Variants in GRIK1 observed in about 807,000 individuals in gnomAD.
GRIK1 encodes glutamate receptor ionotropic, kainate 1.
Under a neutral mutation model 105.7 loss-of-function variants are expected in GRIK1, and 69 were observed. The observed-to-expected ratio is 0.65, with a 90% CI of 0.54 to 0.80. The LOEUF is 0.80. GRIK1 is among the 30% of genes least tolerant of loss of function. The pLI is 0.00. For synonymous variants in GRIK1, 438 were observed against 431.3 expected, an observed-to-expected ratio of 1.02 and a Z score of -0.19; for missense variants, 1,109 against 1,167.3, an observed-to-expected ratio of 0.95 and a Z score of 0.73.
intron 1 of GRIK1, among the ~76,000 whole-genome samples, chr21:29,698,727 G>A (rs1056582985): frequency 3.3e-5 from 5 of 152,078 alleles, no homozygotes; most frequent in African/African-American, 9.7e-5. Context: ...CTTGATCAAC[G>A]GTCAAGGTGC....
chr21:29,827,632 G>A (rs1482151087), intron 1 of GRIK1, among the ~76,000 whole-genome samples: 1 of 151,930 alleles, frequency 6.6e-6, no homozygotes, highest in Non-Finnish European at 1.5e-5. Flanking sequence ...GACTTTAATG[G>A]ATCTACCAAA....
chr21:29,654,804 A>G lies in GRIK1; in HGVS notation c.780+6T>C, dbSNP rs767758531. On this transcript the variant is annotated splice_donor_region_variant and intron_variant, in intron 5 of 17. Transcript: ENST00000327783. ...TGTGGAATACATTTCTCCCAGATGC[A>G]CTTACCAGGGTTGTGAAAAAGTAGT... The G allele has an allele frequency of 6.6e-7, 1 of 1,516,254 alleles. No individual in the cohort carries two copies. The highest frequency in any genetic ancestry group is 9.2e-7 in the Non-Finnish European group (1 of 1,090,560). 93.9% of individuals were successfully genotyped at this position (1,516,254 alleles called of 1,614,324 possible).
intron 6 of GRIK1, among the ~76,000 whole-genome samples, chr21:29,644,543 G>A (rs1049530571): frequency 3.3e-5 from 5 of 152,256 alleles, no homozygotes; most frequent in Non-Finnish European, 7.4e-5. Context: ...ACATACTGAC[G>A]TTGGATTGGT....
At chr21:29,646,044 C>T (rs951853364) in intron 6 of GRIK1, among the ~76,000 whole-genome samples, 13 of 152,198 alleles carry the variant, frequency 8.5e-5, no homozygotes, top group African/African-American at 3.1e-4. Context: ...TAACTTTTAA[C>T]TCCTTGGAAT....
At chr21:29,840,321 C>G (rs2067941283) in intron 1 of GRIK1, among the ~76,000 whole-genome samples, 1 of 152,174 alleles carries the variant, frequency 6.6e-6, no homozygotes. Flanking sequence ...AATATTAAAA[C>G]TTTTGTCTTG....
chr21:29,879,580 G>A (rs1006668751), intron 1 of GRIK1, among the ~76,000 whole-genome samples: 2 of 151,894 alleles, frequency 1.3e-5, no homozygotes, highest in Non-Finnish European at 2.9e-5. Flanking sequence ...TTGGCTCCAG[G>A]GTTTTACTTA....
chr21:29,751,115 A>G (rs1363944254), intron 1 of GRIK1, among the ~76,000 whole-genome samples: 5 of 152,206 alleles, frequency 3.3e-5, no homozygotes, highest in African/African-American at 1.2e-4. Flanking sequence ...CAGCTAAGGC[A>G]TGGACCAGCC....
intron 3 of GRIK1, among the ~76,000 whole-genome samples, chr21:29,689,493 TA>T (rs1009101888): frequency 5.3e-5 from 8 of 152,070 alleles, no homozygotes; most frequent in Admixed American, 2.6e-4. Flanking sequence ...ATATTTCTTT[TA>T]AAAAAAAGTT....
chr21:29,851,578 A>AGTCCTGGT (rs1217832792), intron 1 of GRIK1, among the ~76,000 whole-genome samples: 4 of 152,188 alleles, frequency 2.6e-5, no homozygotes, highest in African/African-American at 9.7e-5. Flanking sequence ...GAATGACTTT[A>AGTCCTGGT]GCTTGAGTCC....
At chr21:29,715,075 C>T (rs2064146285) in intron 1 of GRIK1, among the ~76,000 whole-genome samples, 1 of 152,216 alleles carries the variant, frequency 6.6e-6, no homozygotes, top group Admixed American at 6.5e-5. Flanking sequence ...AACTGAAGAT[C>T]ACTAACCAAC....
intron 1 of GRIK1, among the ~76,000 whole-genome samples, chr21:29,859,948 A>G (rs1037287627): frequency 1.3e-5 from 2 of 152,212 alleles, no homozygotes; most frequent in African/African-American, 4.8e-5. Context: ...AACCATCTAT[A>G]GTACTCAGGA....
intron 2 of GRIK1, 74 bp from the exon 3 acceptor site, chr21:29,690,059 A>C: frequency 8.2e-7 from 1 of 1,224,224 alleles, no homozygotes; most frequent in South Asian, 1.4e-5. Flanking sequence ...AGTTCTATGA[A>C]TTTAATTTTT....
At chr21:29,580,112 CATATAT>C (rs199860747) in intron 13 of GRIK1, among the ~76,000 whole-genome samples, 3 of 138,476 alleles carry the variant, frequency 2.2e-5, no homozygotes, top group African/African-American at 8.4e-5. Context: ...TGTATATATA[CATATAT>C]ACACATATAC....
At chr21:29,601,321 C>G in intron 7 of GRIK1, 1 of 428,674 alleles carries the variant, frequency 2.3e-6, no homozygotes, top group Admixed American at 2.2e-5. Context: ...ACTAGACTTA[C>G]ACCAGCCAGC....
intron 4 of GRIK1, among the ~76,000 whole-genome samples, chr21:29,664,741 T>G (rs1208593112): frequency 1.3e-5 from 2 of 152,192 alleles, no homozygotes; most frequent in African/African-American, 4.8e-5. Context: ...AGGATCCTTT[T>G]GATAAGATCT....
intron 9 of GRIK1, 53 bp downstream of exon 9, chr21:29,596,473 G>T: frequency 1.6e-6 from 2 of 1,214,606 alleles, no homozygotes; most frequent in South Asian, 1.2e-5. Context: ...CCTTTCCAAT[G>T]ACATTCCCCA....
chr21:29,560,282 TCTTTCTTTCTTTCTTTCTTTC>T (rs1447251306), intron 15 of GRIK1, among the ~76,000 whole-genome samples: 127 of 41,892 alleles, frequency 3.0e-3, no homozygotes, highest in African/African-American at 0.011. Context: ...GATACAGTTT[TCTTTCTTTCTTTCTTTCTTTC>T]TTTCTTTCTT....
chr21:29,878,603 G>A (rs2069280194), intron 1 of GRIK1, among the ~76,000 whole-genome samples: 1 of 152,142 alleles, frequency 6.6e-6, no homozygotes, highest in African/African-American at 2.4e-5. Context: ...AATCACTAAT[G>A]TAATATTATT....
Position 29,634,883 on chromosome 21 carries a change from C to T in GRIK1, c.1098+7943G>A, listed in dbSNP as rs75191893. Among the ~76,000 whole-genome samples the T allele has an allele frequency of 3.5e-3, 526 of 152,236 alleles. 1 individual carries two copies. Among genetic ancestry groups the T allele is most frequent in the Non-Finnish European group, 6.0e-3 (406 of 68,032 alleles). On this transcript the variant is annotated intron_variant, in intron 7 of 17. Transcript: ENST00000327783. Reference sequence around the variant, plus strand: ...ACTCTGTATGGAACTGGATGGTGGACACAGGAAGCTATGAGCAAGTTTGTG... The same window carrying T: ...ACTCTGTATGGAACTGGATGGTGGATACAGGAAGCTATGAGCAAGTTTGTG...
Sources: allele counts gnomAD v4.1 joint callset (sites outside exome capture counted in the v4.1 genomes callset), GRCh38; gene constraint gnomAD v4.1.1; transcripts MANE v1.5; gene names NCBI Gene and HGNC (gene_info 2026-07-23, HGNC 2026-07-21).